Variants in COL10A1 observed in about 807,000 individuals in gnomAD.
The protein encoded by COL10A1 is collagen alpha-1(X) chain.
A neutral mutation model predicts 18.2 loss-of-function variants in COL10A1; 10 were observed. The observed-to-expected ratio is 0.55, with a 90% CI of 0.34 to 0.93. The LOEUF (loss-of-function observed/expected upper bound fraction) is 0.93, where lower values mean the gene tolerates loss of function less well. Ranked by LOEUF, COL10A1 falls within the 40% of genes least tolerant of loss-of-function variation. COL10A1 has a pLI of 0.02. For synonymous variants in COL10A1, 330 were observed against 316.6 expected (o/e 1.04, Z -0.45); for missense variants, 897 against 853.5 (o/e 1.05, Z -0.64).
upstream of COL10A1, among the ~76,000 whole-genome samples, chr6:116,163,141 A>AAAAAATATATATAT (rs761718922): frequency 9.0e-5 from 8 of 88,404 alleles, no homozygotes; most frequent in African/African-American, 4.6e-4. Context: ...AAAAAAAAAA[A>AAAAAATATATATAT]ATATATATAT....
Position 116,121,578 on chromosome 6 carries a change from C to G in COL10A1, c.538G>C (p.Gly180Arg). 1 of 1,614,118 alleles carries G rather than the reference C, an allele frequency of 6.2e-7. No individual in the cohort carries two copies. The highest frequency in any genetic ancestry group is 8.5e-7 in the Non-Finnish European group (1 of 1,180,006). ...RGFPGEKGAP[G>R]VPGMNGQKGE... ...TTCTGTCCATTCATACCAGGGACTC[C>G]TGGTGCACCCTTTTCTCCAGGAAAG... Residue 180 changes from glycine (G) to arginine (R), a missense_variant, in exon 3 of 3, where the codon GGA becomes CGA. By Grantham distance (125) the Gly-to-Arg change is moderately radical. Coordinates refer to ENST00000651968, the MANE Select transcript of COL10A1 (RefSeq NM_000493.4).
At chr6:116,215,136 A>G in the COL10A1 span, among the ~76,000 whole-genome samples, 1 of 152,152 alleles carries the variant, frequency 6.6e-6, no homozygotes, top group Non-Finnish European at 1.5e-5. Context: ...ACTGATATTA[A>G]TGTAGCTCTA....
upstream of COL10A1, among the ~76,000 whole-genome samples, chr6:116,130,323 G>C (rs1202669566): frequency 6.6e-6 from 1 of 152,010 alleles, no homozygotes; most frequent in Non-Finnish European, 1.5e-5. Context: ...ATAATGTATT[G>C]TATGTGTTTC....
chr6:116,150,215 G>T (rs1446532793), intron 1 of COL10A1, among the ~76,000 whole-genome samples: 1 of 152,168 alleles, frequency 6.6e-6, no homozygotes, highest in Non-Finnish European at 1.5e-5. Context: ...CTTTCACATG[G>T]AGAGCATGCT....
chr6:116,195,253 A>G, the COL10A1 span, among the ~76,000 whole-genome samples: 2 of 152,106 alleles, frequency 1.3e-5, no homozygotes, highest in Admixed American at 6.6e-5. Flanking sequence ...TGCTTAGAAA[A>G]TAACTTGCAT....
At chr6:116,122,723 T>G (rs1582815538) in intron 2 of COL10A1, among the ~76,000 whole-genome samples, 1 of 152,216 alleles carries the variant, frequency 6.6e-6, no homozygotes, top group Admixed American at 6.5e-5. Flanking sequence ...GGTACAGATG[T>G]TTCTGAGATT....
chr6:116,151,108 C>T (rs1780026886), intron 1 of COL10A1, among the ~76,000 whole-genome samples: 1 of 152,112 alleles, frequency 6.6e-6, no homozygotes, highest in African/African-American at 2.4e-5. Context: ...GAATTTGCAG[C>T]TCCTAATTGC....
the COL10A1 span, among the ~76,000 whole-genome samples, chr6:116,184,828 C>A: frequency 6.6e-6 from 1 of 152,020 alleles, no homozygotes; most frequent in Non-Finnish European, 1.5e-5. Context: ...TTTCAAAAAA[C>A]CAGCTTTTTG....
At chr6:116,156,827 G>A (rs1024865855) in intron 1 of COL10A1, among the ~76,000 whole-genome samples, 2 of 152,008 alleles carry the variant, frequency 1.3e-5, no homozygotes, top group Non-Finnish European at 2.9e-5. Flanking sequence ...TGTGCTTCAC[G>A]TCCTCTCCCC....
At chr6:116,200,182 C>G in the COL10A1 span, among the ~76,000 whole-genome samples, 1 of 151,962 alleles carries the variant, frequency 6.6e-6, no homozygotes, top group African/African-American at 2.4e-5. Flanking sequence ...AAAAGTCAGA[C>G]AAATCCCAAT....
chr6:116,186,582 C>CT, the COL10A1 span, among the ~76,000 whole-genome samples: 1 of 151,774 alleles, frequency 6.6e-6, no homozygotes, highest in Non-Finnish European at 1.5e-5. Context: ...TTATTTAATT[C>CT]TTTTTTCTTT....
the COL10A1 span, among the ~76,000 whole-genome samples, chr6:116,180,491 G>A: frequency 8.9e-4 from 135 of 152,166 alleles, no homozygotes; most frequent in African/African-American, 3.2e-3. Context: ...TAAAACTTAA[G>A]TGAAACTTCA....
At chr6:116,177,955 T>C in the COL10A1 span, among the ~76,000 whole-genome samples, 1 of 152,090 alleles carries the variant, frequency 6.6e-6, no homozygotes, top group Non-Finnish European at 1.5e-5. Context: ...TTTCATAGTA[T>C]AAAAATACCA....
In COL10A1 at chr6:116,121,945, T is replaced by C. The variant is rs1396344114; in HGVS notation, c.171A>G (p.Gly57=). ...TIKSKGIAVR[G]EQGTPGPPGP... is the part of the protein sequence containing the mutation. Reference sequence around the variant, plus strand: ...CTGGTGGACCAGGAGTACCTTGCTCTCCTCTTACTGCTATACCTAAAAGAC... The same window carrying C: ...CTGGTGGACCAGGAGTACCTTGCTCCCCTCTTACTGCTATACCTAAAAGAC... Residue 57 remains glycine, a synonymous_variant, in exon 3 of 3, where the codon GGA becomes GGG. Transcript: ENST00000651968. 4 of 1,612,716 alleles carry C rather than the reference T, an allele frequency of 2.5e-6. No individual in the cohort carries two copies. In the African/African-American group the frequency reaches 5.3e-5, roughly 22 times the overall value.
At chr6:116,207,502 ATTTTTGG>A in the COL10A1 span, among the ~76,000 whole-genome samples, 1 of 151,932 alleles carries the variant, frequency 6.6e-6, no homozygotes, top group African/African-American at 2.4e-5. Flanking sequence ...GAGTTACTTA[ATTTTTGG>A]TTTAAAAAGT....
chr6:116,178,451 A>G, the COL10A1 span, among the ~76,000 whole-genome samples: 1 of 152,206 alleles, frequency 6.6e-6, no homozygotes, highest in Non-Finnish European at 1.5e-5. Flanking sequence ...AAGAATTCTA[A>G]ATTGAGTGGT....
chr6:116,201,711 A>G, the COL10A1 span, among the ~76,000 whole-genome samples: 6 of 152,150 alleles, frequency 3.9e-5, no homozygotes, highest in South Asian at 4.1e-4. Flanking sequence ...ATGTGAGGTC[A>G]TGGGCAAGGA....
Position 116,119,277 on chromosome 6 carries a change from T to A in COL10A1, c.*796A>T, listed in dbSNP as rs918783734. The A allele has an allele frequency of 6.6e-6, 1 of 152,606 alleles. No homozygotes were observed. The highest frequency in any genetic ancestry group is 2.4e-5 in the African/African-American group (1 of 41,450). The allele number at this position is 152,606 out of a possible 1,614,324, so 9.5% of individuals were successfully genotyped here. A position where few individuals can be genotyped will look rare whatever the true frequency, so the allele number is the denominator to read the frequency against. On this transcript the variant is annotated 3_prime_UTR_variant, in exon 3 of 3. Transcript: ENST00000651968. ...TCCAGAAAATCATATCACATAAGAT[T>A]CAATAAGGAATTAAAGAAATCAAAT...
chr6:116,196,519 T>C, the COL10A1 span, among the ~76,000 whole-genome samples: 1 of 152,094 alleles, frequency 6.6e-6, no homozygotes, highest in Non-Finnish European at 1.5e-5. Flanking sequence ...TGGTTTTTAA[T>C]AGCACAAAGA....
Sources: allele counts gnomAD v4.1 joint callset (sites outside exome capture counted in the v4.1 genomes callset), GRCh38; gene constraint gnomAD v4.1.1; transcripts MANE v1.5; gene names NCBI Gene and HGNC (gene_info 2026-07-23, HGNC 2026-07-21).